The following LAMA4 variants were observed in gnomAD, a reference collection of about 807,000 sequenced individuals.
LAMA4 encodes laminin subunit alpha-4.
In LAMA4, 127 loss-of-function variants were observed where a neutral mutation model predicts 207.1. That is an observed-to-expected ratio of 0.61 (90% CI 0.53 to 0.71). LAMA4 has a LOEUF of 0.71. LAMA4 is among the 30% of genes least tolerant of loss of function. LAMA4 has a pLI of 0.00. For missense variants in LAMA4, 2,093 were observed against 2,246.5 expected, an observed-to-expected ratio of 0.93 and a Z score of 1.38; for synonymous variants, 761 against 816.0, an observed-to-expected ratio of 0.93 and a Z score of 1.15.
At chr6:112,159,156 T>G in intron 13 of LAMA4, 1 of 426,350 alleles carries the variant, frequency 2.3e-6, no homozygotes, top group Non-Finnish European at 4.3e-6. Flanking sequence ...AACCTTCAAT[T>G]ATCCACACAT....
intron 3 of LAMA4, among the ~76,000 whole-genome samples, chr6:112,215,104 C>T (rs563883659): frequency 3.1e-4 from 47 of 152,094 alleles, no homozygotes; most frequent in Non-Finnish European, 6.0e-4. Context: ...TTTTTCCCCC[C>T]AAATGTCACT....
chr6:112,168,973 G>T (rs936812336), intron 12 of LAMA4, among the ~76,000 whole-genome samples: 4 of 152,184 alleles, frequency 2.6e-5, no homozygotes, highest in Admixed American at 6.5e-5. Flanking sequence ...AGTAGAAAAT[G>T]TGCACGGTCT....
chr6:112,252,507 A>G (rs1356227070), intron 2 of LAMA4, among the ~76,000 whole-genome samples: 5 of 152,226 alleles, frequency 3.3e-5, no homozygotes, highest in African/African-American at 9.6e-5. Flanking sequence ...ATGCCCGGAT[A>G]AATTTGAATT....
Position 112,175,393 on chromosome 6 carries a change from A to C in LAMA4, c.1277T>G (p.Met426Arg). 2 of 1,614,164 alleles carry C rather than the reference A, an allele frequency of 1.2e-6. No individual in the cohort carries two copies. The highest frequency in any genetic ancestry group is 1.7e-5 in the Admixed American group (1 of 60,026). The change falls in exon 11 of 39, where the codon ATG becomes AGG. Residue 426 changes from methionine to arginine, a missense_variant. This residue lies in a region of LAMA4 where 1,704 missense variants were observed against 1,788.4 expected (regional missense o/e 0.95). Coordinates refer to ENST00000230538, the MANE Select transcript of LAMA4 (RefSeq NM_001105206.3). ...ISEKLVLAQK[M>R]LEEIRSRQPF... ...TTGACGGCTTCTAATCTCTTCAAGC[A>C]TCTTCTGGGCCAACACCAGCTTCTC...
chr6:112,185,642 T>A (rs1249361348), intron 8 of LAMA4, among the ~76,000 whole-genome samples: 1 of 152,194 alleles, frequency 6.6e-6, no homozygotes, highest in African/African-American at 2.4e-5. Context: ...AGGTACAATA[T>A]AGGCTGGTGG....
In LAMA4 at chr6:112,139,227, C is replaced by G. The variant is rs373650093; in HGVS notation, c.3175G>C (p.Val1059Leu). 2.5e-6 allele frequency: 4 copies of G among 1,614,000 alleles called. No individual in the cohort carries two copies. The highest frequency in any genetic ancestry group is 1.7e-5 in the Admixed American group (1 of 59,998). ...CCTCTCCTTGTGATGTCTCTCACCA[C>G]GGCATAACCGGAGCCATCGAAGAAG... ...SYFFDGSGYA[V>L]VRDITRRGKF... The change falls in exon 24 of 39, where the codon GTG becomes CTG. Residue 1059 changes from valine to leucine, a missense_variant. Coordinates refer to ENST00000230538, the MANE Select transcript of LAMA4 (RefSeq NM_001105206.3).
intron 9 of LAMA4, among the ~76,000 whole-genome samples, chr6:112,183,843 C>T (rs1225454940): frequency 2.7e-5 from 4 of 149,744 alleles, no homozygotes; most frequent in Non-Finnish European, 5.9e-5. Context: ...CCCAGCTACC[C>T]AGGAGGCTGA....
At chr6:112,169,824 G>A (rs1036222214) in intron 12 of LAMA4, among the ~76,000 whole-genome samples, 1 of 152,142 alleles carries the variant, frequency 6.6e-6, no homozygotes, top group Non-Finnish European at 1.5e-5. Flanking sequence ...AGCTATTCTG[G>A]CATTCATTCA....
At chr6:112,183,378 T>C (rs1227547091) in intron 9 of LAMA4, among the ~76,000 whole-genome samples, 1 of 152,148 alleles carries the variant, frequency 6.6e-6, no homozygotes, top group Admixed American at 6.5e-5. Flanking sequence ...AACATTATAT[T>C]CAATAAAAAT....
intron 8 of LAMA4, among the ~76,000 whole-genome samples, chr6:112,186,141 T>G (rs1292072678): frequency 2.0e-5 from 3 of 152,208 alleles, no homozygotes; most frequent in Non-Finnish European, 4.4e-5. Context: ...CATTTGCACC[T>G]CCAAAAAGCA....
Position 112,118,707 on chromosome 6 carries a change from GTGTGTGTGTGTGTA to G in LAMA4, c.4821+435_4821+448del, listed in dbSNP as rs1253395951. Among the ~76,000 whole-genome samples, 10 of 109,006 alleles carry G rather than the reference GTGTGTGTGTGTGTA, an allele frequency of 9.2e-5. No homozygotes were observed. The highest frequency in any genetic ancestry group is 3.6e-4 in the African/African-American group (10 of 27,952). The allele number at this position is 109,006 out of a possible 152,430, so 71.5% of individuals were successfully genotyped here. ...ATTTCCTTATACATTTACAAATTGTGTGTGTGTGTGTGTATGTGTGTGTGTGTGTGTGTGTGTGT... is the reference window on the plus strand; with the variant it reads ...ATTTCCTTATACATTTACAAATTGTGTGTGTGTGTGTGTGTGTGTGTGTGT... On this transcript the variant is annotated intron_variant, in intron 34 of 38. Coordinates refer to ENST00000230538, the MANE Select transcript of LAMA4 (RefSeq NM_001105206.3). The surrounding 1 kb of genome is among the most constrained non-coding windows in gnomAD (Gnocchi z 4.6).
At chr6:112,161,189 C>T (rs935345360) in intron 13 of LAMA4, among the ~76,000 whole-genome samples, 3 of 152,212 alleles carry the variant, frequency 2.0e-5, no homozygotes, top group Non-Finnish European at 4.4e-5. Flanking sequence ...CTTTTTGAGG[C>T]CATCCCTAAC....
chr6:112,201,474 A>C (rs1034431990), intron 5 of LAMA4, 134 bp downstream of exon 5: 17 of 820,152 alleles, frequency 2.1e-5, no homozygotes, highest in Non-Finnish European at 3.2e-5. Flanking sequence ...AGGGGTTTTG[A>C]AATGCAGTCC....
chr6:112,189,129 G>T lies in LAMA4; in HGVS notation c.795C>A (p.Gly265=), dbSNP rs1484189768. The T allele has an allele frequency of 3.1e-6, 5 of 1,613,220 alleles. No homozygotes were observed. In the African/African-American group the frequency reaches 6.7e-5, roughly 22 times the overall value. The change falls in exon 7 of 39, where the codon GGC becomes GGA. Residue 265 remains glycine (G), a synonymous_variant. Transcript: ENST00000230538. ...TTTTACTTATGGTTGGGCAGTCCAT[G>T]CCTGTAGGGGGTTCAAAACCTTCTT... ...CLEEGFEPPT[G]MDCPTISCDK...
intron 32 of LAMA4, among the ~76,000 whole-genome samples, chr6:112,121,448 G>C (rs1778351176): frequency 1.3e-5 from 2 of 152,214 alleles, no homozygotes; most frequent in African/African-American, 4.8e-5. Context: ...TTGCCTCTAT[G>C]AATGTTTGAC....
intron 5 of LAMA4, among the ~76,000 whole-genome samples, chr6:112,199,598 G>A (rs1783616301): frequency 6.6e-6 from 1 of 152,098 alleles, no homozygotes; most frequent in Non-Finnish European, 1.5e-5. Flanking sequence ...CCTAATAGAT[G>A]AAATTCATGT....
chr6:112,174,798 T>G (rs1554343070), intron 11 of LAMA4, among the ~76,000 whole-genome samples: 2 of 152,248 alleles, frequency 1.3e-5, no homozygotes, highest in African/African-American at 4.8e-5. Flanking sequence ...GCCTGGGCCT[T>G]GTTATAATAG....
intron 34 of LAMA4, 97 bp downstream of exon 34, chr6:112,119,059 C>T: frequency 8.1e-7 from 1 of 1,227,782 alleles, no homozygotes; most frequent in Non-Finnish European, 1.2e-6. Flanking sequence ...TTTACTGGTG[C>T]TAGTTTCTAG....
intron 2 of LAMA4, chr6:112,217,666 A>G (rs1461278031): frequency 2.0e-5 from 3 of 152,146 alleles, no homozygotes; most frequent in African/African-American, 7.2e-5. Flanking sequence ...AATTTAATAA[A>G]CCCCATTTGG....
Sources: gnomAD v4.1 joint callset for allele counts (sites outside exome capture counted in the v4.1 genomes callset) on GRCh38, gnomAD v4.1.1 for gene constraint, gnomAD v4.1.1 regional missense constraint, Gnocchi (gnomAD v3.1) non-coding constraint, MANE v1.5 for transcripts, NCBI Gene and HGNC (gene_info 2026-07-23, HGNC 2026-07-21) for gene names.